OPCML: variants seen among roughly 807,000 people sequenced by gnomAD.
OPCML encodes the protein opioid binding protein/cell adhesion molecule like.
In OPCML, 13 loss-of-function variants were observed where a neutral mutation model predicts 37.8. That is an observed-to-expected ratio of 0.34 (90% CI 0.22 to 0.55). The LOEUF (loss-of-function observed/expected upper bound fraction) is 0.55. Ranked by LOEUF, OPCML falls within the 20% of genes least tolerant of loss-of-function variation. The pLI is 0.91. For missense variants in OPCML, 341 were observed against 435.6 expected (o/e 0.78, Z 1.93); for synonymous variants, 176 against 168.8 (o/e 1.04, Z -0.33).
intron 1 of OPCML, among the ~76,000 whole-genome samples, chr11:133,413,555 T>G (rs1945696656): frequency 6.6e-6 from 1 of 152,128 alleles, no homozygotes; most frequent in Admixed American, 6.5e-5. Context: ...AGTCACAATT[T>G]ACTCCTTCCT....
chr11:132,658,507 A>G (rs1941812409), intron 2 of OPCML, among the ~76,000 whole-genome samples: 1 of 152,108 alleles, frequency 6.6e-6, no homozygotes, highest in Non-Finnish European at 1.5e-5. Context: ...AAGCACCAGA[A>G]CCATGACCCT....
chr11:132,452,699 T>C (rs2096071760), intron 4 of OPCML, among the ~76,000 whole-genome samples: 1 of 152,086 alleles, frequency 6.6e-6, no homozygotes. Context: ...CAACAAACAT[T>C]TTTGAACTCT....
At chr11:132,933,630 A>G (rs1945280910) in intron 2 of OPCML, among the ~76,000 whole-genome samples, 1 of 152,134 alleles carries the variant, frequency 6.6e-6, no homozygotes, top group African/African-American at 2.4e-5. Flanking sequence ...AGACAGAGAG[A>G]TAGAGATAAA....
At chr11:133,331,390 G>A (rs1269981819) in intron 1 of OPCML, among the ~76,000 whole-genome samples, 1 of 152,178 alleles carries the variant, frequency 6.6e-6, no homozygotes, top group African/African-American at 2.4e-5. Context: ...CTGGAGGAGT[G>A]TCGCCATTTC....
At chr11:133,409,133 C>T (rs1482674827) in intron 1 of OPCML, among the ~76,000 whole-genome samples, 2 of 152,164 alleles carry the variant, frequency 1.3e-5, no homozygotes, top group Non-Finnish European at 2.9e-5. Flanking sequence ...CTAGAGCAGG[C>T]ATCTCTCCCC....
At chr11:133,403,917 G>A (rs954059345) in intron 1 of OPCML, among the ~76,000 whole-genome samples, 1 of 152,216 alleles carries the variant, frequency 6.6e-6, no homozygotes. Flanking sequence ...TGTGTTAGAT[G>A]TATACACAAA....
chr11:132,747,384 C>T (rs745820859), intron 2 of OPCML, among the ~76,000 whole-genome samples: 1 of 152,070 alleles, frequency 6.6e-6, no homozygotes, highest in Non-Finnish European at 1.5e-5. Flanking sequence ...TCTTTTGGGA[C>T]CATGAAAAAG....
At chr11:132,660,532 G>A (rs1941922169) in intron 2 of OPCML, among the ~76,000 whole-genome samples, 1 of 152,106 alleles carries the variant, frequency 6.6e-6, no homozygotes, top group Non-Finnish European at 1.5e-5. Flanking sequence ...TCAGATGGCT[G>A]CAAAAAGATG....
chr11:132,634,923 C>T (rs770892280), intron 3 of OPCML, among the ~76,000 whole-genome samples: 1 of 151,738 alleles, frequency 6.6e-6, no homozygotes, highest in Non-Finnish European at 1.5e-5. Context: ...GCCTTGCATG[C>T]GAGATAAGAA....
At chr11:133,180,233 C>T (rs979509921) in intron 1 of OPCML, among the ~76,000 whole-genome samples, 2 of 152,068 alleles carry the variant, frequency 1.3e-5, no homozygotes, top group Admixed American at 6.6e-5. Flanking sequence ...TCCTTCCTGC[C>T]GTAGCGGACC....
chr11:132,938,997 G>A (rs1302443274), intron 2 of OPCML, among the ~76,000 whole-genome samples: 2 of 152,194 alleles, frequency 1.3e-5, no homozygotes, highest in African/African-American at 4.8e-5. Context: ...AACCAGGTTA[G>A]TGCCACCACT....
chr11:133,466,897 C>T (rs998075716), intron 1 of OPCML, among the ~76,000 whole-genome samples: 2 of 152,192 alleles, frequency 1.3e-5, no homozygotes, highest in East Asian at 3.9e-4. Flanking sequence ...TGGAAACCTA[C>T]TGCTTTAAAG....
chr11:132,680,442 G>A (rs543226786), intron 2 of OPCML, among the ~76,000 whole-genome samples: 2 of 152,216 alleles, frequency 1.3e-5, no homozygotes, highest in Middle Eastern at 3.4e-3. Context: ...TACCACATAG[G>A]CAGTTGTTCC....
At position 132,911,273 on chromosome 11, in the gene OPCML, G is replaced by A. The variant is rs191487222; in HGVS notation, c.146+31653C>T. Among the ~76,000 whole-genome samples the A allele has an allele frequency of 7.9e-5, 12 of 152,344 alleles. No homozygotes were observed. The East Asian group carries it at 2.1e-3, about 27-fold the overall frequency. Reference sequence around the variant, plus strand: ...CAACAGCTGGAAACCAGTCATTTGAGCAACAGATATATGTCCTAGCTTCTT... The same window carrying A: ...CAACAGCTGGAAACCAGTCATTTGAACAACAGATATATGTCCTAGCTTCTT... On this transcript the variant is annotated intron_variant, in intron 2 of 7. Transcript: ENST00000524381.
At chr11:133,139,755 A>G (rs751599869) in intron 1 of OPCML, among the ~76,000 whole-genome samples, 89 of 152,180 alleles carry the variant, frequency 5.8e-4, no homozygotes, top group Non-Finnish European at 8.1e-4. Context: ...CAGTAGGCAT[A>G]TGACTCCAGC....
At chr11:132,738,255 C>T (rs976239745) in intron 2 of OPCML, among the ~76,000 whole-genome samples, 3 of 152,228 alleles carry the variant, frequency 2.0e-5, no homozygotes, top group African/African-American at 7.2e-5. Flanking sequence ...TATTCTTTTG[C>T]AGTACACCCT....
At chr11:133,396,723 G>A (rs774444357) in intron 1 of OPCML, among the ~76,000 whole-genome samples, 1 of 152,042 alleles carries the variant, frequency 6.6e-6, no homozygotes, top group African/African-American at 2.4e-5. Context: ...AAGACAAATG[G>A]CACATTCACC....
intron 1 of OPCML, among the ~76,000 whole-genome samples, chr11:133,102,186 A>C (rs1030220169): frequency 6.6e-6 from 1 of 152,202 alleles, no homozygotes; most frequent in Admixed American, 6.5e-5. Context: ...AGTGGACACT[A>C]ATGTAAACTA....
At chr11:133,458,306 A>G (rs1277313580) in intron 1 of OPCML, among the ~76,000 whole-genome samples, 6 of 47,156 alleles carry the variant, frequency 1.3e-4, no homozygotes, top group Non-Finnish European at 3.2e-5. Context: ...GTATATATAT[A>G]CACATATATA....
Sources: allele counts gnomAD v4.1 joint callset (sites outside exome capture counted in the v4.1 genomes callset), GRCh38; gene constraint gnomAD v4.1.1; transcripts MANE v1.5; gene names NCBI Gene and HGNC (gene_info 2026-07-23, HGNC 2026-07-21).